The following ANXA8 variants were observed in gnomAD, a reference collection of about 807,000 sequenced individuals.
ANXA8 encodes the protein VAC-beta.
A neutral mutation model predicts 26.8 loss-of-function variants in ANXA8; 9 were observed. The observed-to-expected ratio is 0.34, with a 90% CI of 0.20 to 0.59. The LOEUF is 0.59. ANXA8 is among the 20% of genes least tolerant of loss of function. The probability of loss-of-function intolerance (pLI) is 0.84; values close to 1 mark genes in which losing one functional copy is unlikely to be tolerated. For missense variants in ANXA8, 83 were observed against 238.5 expected, an observed-to-expected ratio of 0.35 and a Z score of 4.29; for synonymous variants, 39 against 94.8, an observed-to-expected ratio of 0.41 and a Z score of 3.42.
chr10:47,587,890 C>T, the ANXA8 span, among the ~76,000 whole-genome samples: 3 of 146,346 alleles, frequency 2.0e-5, no homozygotes, highest in East Asian at 5.8e-4. Context: ...ATTGAAGACA[C>T]ACTACCTGGC....
the ANXA8 span, among the ~76,000 whole-genome samples, chr10:47,775,311 T>A: frequency 6.8e-6 from 1 of 146,580 alleles, no homozygotes; most frequent in Admixed American, 6.8e-5. Context: ...AGGCAGAGGT[T>A]GCAGTGAGCC....
chr10:47,665,995 C>A, the ANXA8 span, among the ~76,000 whole-genome samples: 12 of 151,672 alleles, frequency 7.9e-5, no homozygotes, highest in Non-Finnish European at 1.8e-4. Flanking sequence ...TGCTAACTTG[C>A]CTAGTGAGAG....
At chr10:47,487,556 T>C (rs1458450366), upstream of ANXA8, 1 of 363,224 alleles carries the variant, frequency 2.8e-6, no homozygotes, top group Non-Finnish European at 4.8e-6. Context: ...AGAATGAATT[T>C]GAATTTGGTT....
the ANXA8 span, among the ~76,000 whole-genome samples, chr10:47,671,567 T>A: frequency 6.6e-6 from 1 of 151,908 alleles, no homozygotes; most frequent in Non-Finnish European, 1.5e-5. Context: ...GTGTTCTAAG[T>A]TTTTTTCGTG....
the ANXA8 span, among the ~76,000 whole-genome samples, chr10:47,694,570 G>A: frequency 9.4e-4 from 143 of 151,500 alleles, 1 homozygote; most frequent in African/African-American, 3.2e-3. Context: ...ACAGGAGCCC[G>A]CCACCACGCC....
the ANXA8 span, among the ~76,000 whole-genome samples, chr10:47,520,870 G>A: frequency 9.6e-4 from 125 of 130,376 alleles, 1 homozygote; most frequent in African/African-American, 4.0e-3. Flanking sequence ...AAGAAGAAGA[G>A]GTAAATTTTG....
the ANXA8 span, chr10:47,691,258 T>A: frequency 2.3e-6 from 3 of 1,291,344 alleles, no homozygotes; most frequent in Non-Finnish European, 3.2e-6. Context: ...AGTGGTAGCT[T>A]ATTTTATAAA....
the ANXA8 span, among the ~76,000 whole-genome samples, chr10:47,704,864 A>C: frequency 2.6e-5 from 4 of 152,074 alleles, no homozygotes; most frequent in African/African-American, 9.7e-5. Context: ...AAAAACTAAC[A>C]AAGAATGAAA....
At chr10:47,550,857 TA>T in the ANXA8 span, 1 of 201,872 alleles carries the variant, frequency 5.0e-6, no homozygotes, top group East Asian at 1.7e-4. Flanking sequence ...CCTATTTATT[TA>T]AAAAAGAAAA....
At chr10:47,716,054 A>T in the ANXA8 span, among the ~76,000 whole-genome samples, 20 of 148,550 alleles carry the variant, frequency 1.3e-4, no homozygotes, top group African/African-American at 4.9e-4. Context: ...CCATCAGTGC[A>T]TGCCACCACA....
chr10:47,486,977 C>T (rs1674357481), upstream of ANXA8, among the ~76,000 whole-genome samples: 1 of 149,894 alleles, frequency 6.7e-6, no homozygotes, highest in African/African-American at 2.5e-5. Context: ...TATCTCAAAA[C>T]AAAAACAAAA....
At chr10:47,687,339 T>G in the ANXA8 span, among the ~76,000 whole-genome samples, 1 of 151,488 alleles carries the variant, frequency 6.6e-6, no homozygotes, top group African/African-American at 2.4e-5. Flanking sequence ...GGCACGATCT[T>G]GGCTCACTGC....
chr10:47,665,485 G>A, the ANXA8 span, among the ~76,000 whole-genome samples: 1 of 151,082 alleles, frequency 6.6e-6, no homozygotes, highest in Admixed American at 6.6e-5. Context: ...CATTGAAACA[G>A]TATGGTTTGA....
At chr10:47,572,414 A>G in the ANXA8 span, among the ~76,000 whole-genome samples, 1 of 148,716 alleles carries the variant, frequency 6.7e-6, no homozygotes, top group Non-Finnish European at 1.5e-5. Context: ...CGTGCTCTCT[A>G]TATAAGAATT....
chr10:47,705,146 T>C, the ANXA8 span, among the ~76,000 whole-genome samples: 1 of 151,670 alleles, frequency 6.6e-6, no homozygotes, highest in Admixed American at 6.6e-5. Flanking sequence ...CAGCAGGGCA[T>C]TTTAAGAAGA....
At chr10:47,960,704 A>T in the ANXA8 span, among the ~76,000 whole-genome samples, 6 of 148,338 alleles carry the variant, frequency 4.0e-5, no homozygotes. Context: ...ATAATTGAAC[A>T]TTGTAAGCAC....
chr10:47,664,366 G>A, the ANXA8 span, among the ~76,000 whole-genome samples: 1 of 151,942 alleles, frequency 6.6e-6, no homozygotes, highest in Non-Finnish European at 1.5e-5. Context: ...TGACAAGAGT[G>A]AAACTCCATT....
the ANXA8 span, among the ~76,000 whole-genome samples, chr10:47,556,341 A>T: frequency 6.6e-6 from 1 of 151,904 alleles, no homozygotes; most frequent in African/African-American, 2.4e-5. Flanking sequence ...TGGATACCTG[A>T]GGTTTCAAGC....
the ANXA8 span, chr10:47,523,231 C>T: frequency 1.3e-6 from 2 of 1,574,260 alleles, no homozygotes; most frequent in Non-Finnish European, 1.7e-6. Flanking sequence ...GTGTGGGATG[C>T]CTCAAAGGGA....
Sources: allele counts gnomAD v4.1 joint callset (sites outside exome capture counted in the v4.1 genomes callset), GRCh38; gene constraint gnomAD v4.1.1; transcripts MANE v1.5; gene names NCBI Gene and HGNC (gene_info 2026-07-23, HGNC 2026-07-21).